RBM20: variants seen among roughly 807,000 people sequenced by gnomAD.
The protein encoded by RBM20 is RNA-binding protein 20.
Under a neutral mutation model 110.1 loss-of-function variants are expected in RBM20, and 51 were observed. That is an observed-to-expected ratio of 0.46 (90% confidence interval 0.37 to 0.59). The LOEUF (loss-of-function observed/expected upper bound fraction) is 0.59, where lower values mean the gene tolerates loss of function less well. RBM20 is among the 20% of genes least tolerant of loss of function. The probability of loss-of-function intolerance (pLI) is 0.00; values close to 1 mark genes in which losing one functional copy is unlikely to be tolerated. For missense variants in RBM20, 1,512 were observed against 1,574.9 expected (o/e 0.96, Z 0.68); for synonymous variants, 589 against 618.2 (o/e 0.95, Z 0.70).
At chr10:110,643,691 G>A (rs1419715260), upstream of RBM20, among the ~76,000 whole-genome samples, 1 of 152,202 alleles carries the variant, frequency 6.6e-6, no homozygotes, top group African/African-American at 2.4e-5. Context: ...GGCTGCTTCC[G>A]GGGACACCTG....
intron 13 of RBM20, among the ~76,000 whole-genome samples, chr10:110,834,288 T>C (rs536977312): frequency 1.4e-4 from 22 of 152,148 alleles, no homozygotes; most frequent in African/African-American, 5.3e-4. Flanking sequence ...TCAGCAGCTT[T>C]GCCTGCTGCC....
At chr10:110,828,050 G>T (rs576735380) in intron 12 of RBM20, among the ~76,000 whole-genome samples, 2 of 152,312 alleles carry the variant, frequency 1.3e-5, no homozygotes, top group East Asian at 3.9e-4. Context: ...TGGCCAGCGC[G>T]AGCCTGCCAA....
At chr10:110,814,233 C>T (rs1844811524) in intron 9 of RBM20, among the ~76,000 whole-genome samples, 1 of 152,136 alleles carries the variant, frequency 6.6e-6, no homozygotes, top group Non-Finnish European at 1.5e-5. Flanking sequence ...TGCCACTTTG[C>T]CAGGTGATGT....
chr10:110,819,823 A>T (rs1297219952), intron 9 of RBM20, among the ~76,000 whole-genome samples: 1 of 152,160 alleles, frequency 6.6e-6, no homozygotes, highest in Non-Finnish European at 1.5e-5. Flanking sequence ...AGGCTTCAAG[A>T]CATTTCTCTG....
chr10:110,760,075 C>T (rs1843975469), intron 1 of RBM20, among the ~76,000 whole-genome samples: 1 of 152,164 alleles, frequency 6.6e-6, no homozygotes, highest in Non-Finnish European at 1.5e-5. Context: ...TGTTGATGAC[C>T]TTGGTCCCTC....
chr10:110,653,454 A>G (rs1245150790), intron 1 of RBM20, among the ~76,000 whole-genome samples: 2 of 152,080 alleles, frequency 1.3e-5, no homozygotes, highest in Non-Finnish European at 2.9e-5. Context: ...AGCTCAGGAA[A>G]TTAGTCTTAT....
rs1832745 is a variant in RBM20, at chr10:110,813,115, T to C, written c.2550+168T>C. On this transcript the variant is annotated intron_variant, in intron 9 of 13. Coordinates refer to ENST00000369519, the MANE Select transcript of RBM20 (RefSeq NM_001134363.3). ...TTATCTCAATGAACTCATTTAATCC[T>C]CACAGGTTTTGAGTACCAACCTTTG... is the stretch of plus-strand genomic sequence containing the variant. 0.45 allele frequency among the ~76,000 whole-genome samples: 68,832 copies of C among 152,116 alleles called. 16,526 individuals are homozygous for C. The highest frequency in any genetic ancestry group is 0.54 in the East Asian group (2,774 of 5,182).
At chr10:110,662,600 T>C (rs367598071) in intron 1 of RBM20, among the ~76,000 whole-genome samples, 6 of 152,220 alleles carry the variant, frequency 3.9e-5, no homozygotes, top group African/African-American at 1.4e-4. Context: ...TATGGAGAAG[T>C]TGGCAATATC....
At chr10:110,755,283 C>T (rs1843907744) in intron 1 of RBM20, among the ~76,000 whole-genome samples, 1 of 152,188 alleles carries the variant, frequency 6.6e-6, no homozygotes, top group Non-Finnish European at 1.5e-5. Flanking sequence ...TGGGCCCTGA[C>T]ATCTTTCATC....
rs865819647 is a variant in RBM20 at position 110,812,929 on chromosome 10, C to T, written c.2532C>T (p.Asn844=). ...AAGGAGCTGATGATAGAAAAGAAAA[C>T]ACAATGGCAGAGAATGAGGTAATGA... ...DQEGADDRKE[N]TMAENEAGKE... is the part of the protein sequence containing the mutation. The change falls in exon 9 of 14, where the codon AAC becomes AAT. Residue 844 remains asparagine, a synonymous_variant. Coordinates refer to ENST00000369519, the MANE Select transcript of RBM20 (RefSeq NM_001134363.3). 2 of 1,452,486 alleles carry T rather than the reference C, an allele frequency of 1.4e-6. No individual in the cohort carries two copies. The highest frequency in any genetic ancestry group is 1.4e-5 in the African/African-American group (1 of 69,746). The allele number at this position is 1,452,486 out of a possible 1,614,324, so 90.0% of individuals were successfully genotyped here. A position where few individuals can be genotyped will look rare whatever the true frequency, so the allele number is the denominator to read the frequency against.
At chr10:110,786,971 T>A (rs572194447) in intron 5 of RBM20, among the ~76,000 whole-genome samples, 1 of 152,270 alleles carries the variant, frequency 6.6e-6, no homozygotes, top group East Asian at 1.9e-4. Context: ...CATTCTGCAG[T>A]CTGTCCCAGG....
intron 1 of RBM20, among the ~76,000 whole-genome samples, chr10:110,776,524 A>T (rs563645056): frequency 1.1e-4 from 16 of 152,248 alleles, no homozygotes; most frequent in African/African-American, 3.9e-4. Flanking sequence ...TCTTTGGCTC[A>T]TGGCCCCTTC....
Position 110,802,537 on chromosome 10 carries a change from T to G in RBM20, c.1800+2619T>G, listed in dbSNP as rs113667709. On this transcript the variant is annotated intron_variant, in intron 7 of 13. Transcript: ENST00000369519. Reference sequence around the variant, plus strand: ...TCTACACTAAGTTCCCAGTAGAGCTTTGGTCTCCAAATGAGATGTTGTCAT... The same window carrying G: ...TCTACACTAAGTTCCCAGTAGAGCTGTGGTCTCCAAATGAGATGTTGTCAT... 7.5e-3 allele frequency among the ~76,000 whole-genome samples: 1,145 copies of G among 152,298 alleles called. 5 individuals carry two copies. The highest frequency in any genetic ancestry group is 0.014 in the Middle Eastern group (4 of 294).
intron 1 of RBM20, among the ~76,000 whole-genome samples, chr10:110,721,799 A>G (rs1843509934): frequency 6.6e-6 from 1 of 152,208 alleles, no homozygotes; most frequent in Non-Finnish European, 1.5e-5. Flanking sequence ...TGTGATAAGC[A>G]GATCAAGGCC....
rs377098638 is a variant in RBM20 at position 110,664,870 on chromosome 10, G to GTC, written c.191+20241_191+20242dup. On this transcript the variant is annotated intron_variant, in intron 1 of 13. Transcript: ENST00000369519. Reference sequence around the variant, plus strand: ...GTCTTCCTCCTGTCCTCCTTCTTCAGTCTCTCTCTCTCTCTCTTTTTAGAG... The same window carrying GTC: ...GTCTTCCTCCTGTCCTCCTTCTTCAGTCTCTCTCTCTCTCTCTCTTTTTAGAG... 5.1e-3 allele frequency among the ~76,000 whole-genome samples: 765 copies of GTC among 150,936 alleles called. 5 individuals are homozygous for GTC. The highest frequency in any genetic ancestry group is 0.018 in the African/African-American group (725 of 41,284).
At chr10:110,744,795 T>A (rs929593958) in intron 1 of RBM20, among the ~76,000 whole-genome samples, 1 of 152,256 alleles carries the variant, frequency 6.6e-6, no homozygotes, top group African/African-American at 2.4e-5. Context: ...TCTGCTGATA[T>A]GAAGACTCAG....
chr10:110,745,889 T>G (rs1843774156), intron 1 of RBM20, among the ~76,000 whole-genome samples: 1 of 152,226 alleles, frequency 6.6e-6, no homozygotes, highest in African/African-American at 2.4e-5. Flanking sequence ...AAAATAGTAA[T>G]AATAAACCTT....
chr10:110,701,537 A>G (rs1249783792), intron 1 of RBM20, among the ~76,000 whole-genome samples: 1 of 152,250 alleles, frequency 6.6e-6, no homozygotes, highest in East Asian at 1.9e-4. Flanking sequence ...TGCCTTTTGA[A>G]AAGTTCAGGT....
chr10:110,704,512 T>G (rs544189328), intron 1 of RBM20, among the ~76,000 whole-genome samples: 2 of 152,360 alleles, frequency 1.3e-5, no homozygotes, highest in African/African-American at 4.8e-5. Flanking sequence ...AATTTGTACC[T>G]CCCAACAGTA....
Sources: allele counts gnomAD v4.1 joint callset (sites outside exome capture counted in the v4.1 genomes callset), GRCh38; gene constraint gnomAD v4.1.1; transcripts MANE v1.5; gene names NCBI Gene and HGNC (gene_info 2026-07-23, HGNC 2026-07-21).